AACS: variants seen among roughly 807,000 people sequenced by gnomAD.
AACS encodes acetoacetyl-CoA synthetase.
A neutral mutation model predicts 83.1 loss-of-function variants in AACS; 69 were observed. The observed-to-expected ratio is 0.83, with a 90% CI of 0.68 to 1.01. AACS has a LOEUF of 1.01. Among genes scored for constraint, AACS ranks in the 50% least tolerant of loss-of-function variants. AACS has a pLI of 0.00. For synonymous variants in AACS, 333 were observed against 343.4 expected (o/e 0.97, Z 0.33); for missense variants, 866 against 882.2 (o/e 0.98, Z 0.23).
In AACS at chr12:125,142,786, A is replaced by G. The variant is rs11058047; in HGVS notation, c.*557A>G. ...TGTGTCTGTGTCATGGATGCAATGC[A>G]GGCCCTGGAGGACTGTGCGTCACCC... On this transcript the variant is annotated 3_prime_UTR_variant, in exon 18 of 18. Transcript: ENST00000316519. 17,212 of 153,342 alleles carry G rather than the reference A, an allele frequency of 0.11. 1,333 individuals carry two copies. Among genetic ancestry groups the G allele is most frequent in the Non-Finnish European group, 0.17 (11,585 of 68,776 alleles). 9.5% of individuals were successfully genotyped at this position (153,342 alleles called of 1,614,324 possible).
At chr12:125,067,864 C>T (rs1482075476) in intron 1 of AACS, among the ~76,000 whole-genome samples, 1 of 152,190 alleles carries the variant, frequency 6.6e-6, no homozygotes, top group Non-Finnish European at 1.5e-5. Context: ...AGCTCTACCA[C>T]TTACCAGCTG....
At position 125,136,753 on chromosome 12, in the gene AACS, C is replaced by T. The variant is rs1056413513; in HGVS notation, c.1770C>T (p.Ala590=). The T allele has an allele frequency of 3.5e-5, 56 of 1,614,020 alleles. No individual in the cohort carries two copies. Among genetic ancestry groups the T allele is most frequent in the Non-Finnish European group, 4.7e-5 (55 of 1,180,048 alleles). The change falls in exon 17 of 18, where the codon GCC becomes GCT. Residue 590 remains alanine (A), a synonymous_variant. Coordinates refer to ENST00000316519, the MANE Select transcript of AACS (RefSeq NM_023928.5). The part of the protein sequence containing the change: ...EERVILFLKM[A]SGHAFQPDLV... ...GGGTGATCCTCTTCCTGAAGATGGCCTCCGGGCACGCCTTCCAGCCTGACT... is the reference window on the plus strand; with the variant it reads ...GGGTGATCCTCTTCCTGAAGATGGCTTCCGGGCACGCCTTCCAGCCTGACT...
At chr12:125,112,504 C>A (rs1173448280) in intron 8 of AACS, among the ~76,000 whole-genome samples, 1 of 151,882 alleles carries the variant, frequency 6.6e-6, no homozygotes, top group Non-Finnish European at 1.5e-5. Context: ...CATGGTGAAA[C>A]CCTGTCTCTC....
chr12:125,133,769 C>T (rs977968236), intron 14 of AACS, among the ~76,000 whole-genome samples: 1 of 152,244 alleles, frequency 6.6e-6, no homozygotes, highest in African/African-American at 2.4e-5. Flanking sequence ...TTGCTGGTGC[C>T]TGAGGAGCTG....
Position 125,136,702 on chromosome 12 carries a change from C to T in AACS, c.1719C>T (p.Pro573=), listed in dbSNP as rs779208698. 3.1e-6 allele frequency: 5 copies of T among 1,614,096 alleles called. No homozygotes were observed. The highest frequency in any genetic ancestry group is 4.2e-6 in the Non-Finnish European group (5 of 1,180,030). ...AGGTGGAGGACAGCCTGTGTGTCCC[C>T]CAGTATAACAAGTACAGGGAGGAGA... ...FEEVEDSLCV[P]QYNKYREERV... Residue 573 remains proline, a synonymous_variant, in exon 17 of 18, where the codon CCC becomes CCT. Transcript: ENST00000316519.
chr12:125,107,286 G>T lies in AACS; in HGVS notation c.915+18G>T. ...CCGCTGGGGTAGGTCTCTGGGGAAG[G>T]CTCTGCAGGGCCTCCTGTTGTCTGT... On this transcript the variant is annotated intron_variant, in intron 8 of 17. Coordinates refer to ENST00000316519, the MANE Select transcript of AACS (RefSeq NM_023928.5). The T allele has an allele frequency of 6.2e-7, 1 of 1,610,614 alleles. No homozygotes were observed. The highest frequency in any genetic ancestry group is 8.5e-7 in the Non-Finnish European group (1 of 1,178,326).
At chr12:125,085,594 G>A (rs976375357) in intron 3 of AACS, among the ~76,000 whole-genome samples, 4 of 152,164 alleles carry the variant, frequency 2.6e-5, no homozygotes, top group Admixed American at 6.5e-5. Context: ...CGTCTGTTTC[G>A]TGGAACTACA....
At chr12:125,112,741 C>T (rs1956981328) in intron 8 of AACS, among the ~76,000 whole-genome samples, 1 of 149,872 alleles carries the variant, frequency 6.7e-6, no homozygotes, top group Non-Finnish European at 1.5e-5. Context: ...ATGGACTTAA[C>T]AGTTCTACGT....
At chr12:125,070,008 C>T (rs1318249125) in intron 1 of AACS, among the ~76,000 whole-genome samples, 4 of 152,178 alleles carry the variant, frequency 2.6e-5, no homozygotes, top group Non-Finnish European at 4.4e-5. Context: ...GTGGCCAACC[C>T]GGATTTATTC....
At chr12:125,107,034 CAGAG>C (rs1956848386) in intron 7 of AACS, 83 bp from the exon 8 acceptor site, 2 of 1,570,492 alleles carry the variant, frequency 1.3e-6, no homozygotes, top group African/African-American at 1.3e-5. Flanking sequence ...GGGGTAGAAA[CAGAG>C]GGAAGTGCAC....
At chr12:125,107,978 T>C (rs1956870150) in intron 8 of AACS, among the ~76,000 whole-genome samples, 1 of 151,874 alleles carries the variant, frequency 6.6e-6, no homozygotes, top group Non-Finnish European at 1.5e-5. Flanking sequence ...AAAAATAAAA[T>C]AAAATATTAG....
intron 8 of AACS, among the ~76,000 whole-genome samples, chr12:125,110,502 G>T (rs891192139): frequency 7.2e-5 from 11 of 152,298 alleles, no homozygotes; most frequent in Admixed American, 1.3e-4. Flanking sequence ...GTGGGAGTCA[G>T]GATGCTTGCG....
Position 125,142,222 on chromosome 12 carries a change from G to T in AACS, c.2012G>T (p.Gly671Val). The change falls in exon 18 of 18, where the codon GGC (glycine) becomes GTC (valine). Residue 671 changes from glycine (G) to valine (V), a missense_variant. Gly to Val is a moderately radical substitution (Grantham distance 109, BLOSUM62 -3). Transcript: ENST00000316519. ...DLYRDIPELQ[G>V]F ...TACCGGGACATCCCTGAGCTGCAGG[G>T]CTTCTGAGTCAGACTGGCTGGCGTG... 3.7e-6 allele frequency: 6 copies of T among 1,613,930 alleles called. No homozygotes were observed. Among genetic ancestry groups the T allele is most frequent in the Non-Finnish European group, 5.1e-6 (6 of 1,179,880 alleles).
At chr12:125,114,999 G>A (rs758601832) in intron 9 of AACS, among the ~76,000 whole-genome samples, 8 of 151,980 alleles carry the variant, frequency 5.3e-5, no homozygotes, top group Non-Finnish European at 1.2e-4. Context: ...GTGCTGCACT[G>A]TGGTGAGGGC....
chr12:125,086,419 G>A lies in AACS; in HGVS notation c.448G>A (p.Val150Met). The A allele has an allele frequency of 6.2e-7, 1 of 1,614,230 alleles. No individual in the cohort carries two copies. Among genetic ancestry groups the A allele is most frequent in the East Asian group, 2.2e-5 (1 of 44,880 alleles). Residue 150 changes from valine to methionine, a missense_variant, in exon 4 of 18, where the codon GTG (valine) becomes ATG (methionine). By Grantham distance (21) the Val-to-Met change is conservative. Transcript: ENST00000316519. ...LFAAAMRKMG[V>M]KKGDRVVGYL... ...TGCAGCAGCAATGAGGAAAATGGGT[G>A]TGAAGAAAGGAGATCGGGTTGTTGG...
rs1328388129 is a variant in AACS at position 125,136,833 on chromosome 12, C to G, written c.1850C>G (p.Pro617Arg). 2.5e-6 allele frequency: 4 copies of G among 1,613,770 alleles called. No individual in the cohort carries two copies. The highest frequency in any genetic ancestry group is 3.4e-6 in the Non-Finnish European group (4 of 1,180,030). ...IRMGLSARHV[P>R]SLILETKGIP... ...ATGGGCTTGTCTGCGCGACACGTGC[C>G]CAGCCTCATCCTGGAAACCAAGGGC... Residue 617 changes from proline (P) to arginine (R), a missense_variant, in exon 17 of 18, where the codon CCC becomes CGC. Transcript: ENST00000316519.
chr12:125,114,510 C>G lies in AACS; in HGVS notation c.949C>G (p.Leu317Val). The stretch of plus-strand genomic sequence containing the variant: ...CATCCAGCATCTGAAGGAGCACCTG[C>G]TGCACGGCAACATGACCAGCAGTGA... The part of the protein sequence containing the change: ...TLIQHLKEHL[L>V]HGNMTSSDIL... Residue 317 changes from leucine to valine, a missense_variant, in exon 9 of 18, where the codon CTG becomes GTG. Leu to Val is a conservative substitution (Grantham distance 32). Coordinates refer to ENST00000316519, the MANE Select transcript of AACS (RefSeq NM_023928.5). 1.5e-5 allele frequency: 24 copies of G among 1,613,466 alleles called. No individual in the cohort carries two copies. The highest frequency in any genetic ancestry group is 2.0e-5 in the Non-Finnish European group (24 of 1,179,752).
chr12:125,138,508 C>T (rs1957431715), intron 17 of AACS: 1 of 152,182 alleles, frequency 6.6e-6, no homozygotes, highest in Non-Finnish European at 1.5e-5. Context: ...CTGGAATTTG[C>T]ATTTATCCCC....
rs750451100 is a variant in AACS, at chr12:125,142,088, G to A, written c.1882-4G>A. 2 of 1,613,726 alleles carry A rather than the reference G, an allele frequency of 1.2e-6. No individual in the cohort carries two copies. The highest frequency in any genetic ancestry group is 1.7e-5 in the Admixed American group (1 of 59,958). On this transcript the variant is annotated splice_polypyrimidine_tract_variant and splice_region_variant and intron_variant, in intron 17 of 17. Coordinates refer to ENST00000316519, the MANE Select transcript of AACS (RefSeq NM_023928.5). ...GTTCCTGTTTTTCTACCTTTCCCTC[G>A]CAGTATACGCTCAACGGCAAGAAAG... is the stretch of plus-strand genomic sequence containing the variant.
Sources: gnomAD v4.1 joint callset for allele counts (sites outside exome capture counted in the v4.1 genomes callset) on GRCh38, gnomAD v4.1.1 for gene constraint, MANE v1.5 for transcripts, NCBI Gene and HGNC (gene_info 2026-07-23, HGNC 2026-07-21) for gene names.